The following OTOF variants were observed in gnomAD, a reference collection of about 807,000 sequenced individuals.
The protein encoded by OTOF is otoferlin.
A neutral mutation model predicts 236.8 loss-of-function variants in OTOF; 218 were observed. That is an observed-to-expected ratio of 0.92 (90% CI 0.82 to 1.03). The LOEUF is 1.03. Among genes scored for constraint, OTOF ranks in the 50% least tolerant of loss-of-function variants. The pLI, the probability that OTOF is intolerant of heterozygous loss-of-function variation, is 0.00. For synonymous variants in OTOF, 1,041 were observed against 1,072.5 expected, an observed-to-expected ratio of 0.97 and a Z score of 0.57; for missense variants, 2,590 against 2,694.4, an observed-to-expected ratio of 0.96 and a Z score of 0.86.
At chr2:26,527,964 T>C (rs1469364650) in intron 2 of OTOF, 44 bp from the exon 3 acceptor site, 2 of 1,397,364 alleles carry the variant, frequency 1.4e-6, no homozygotes, top group South Asian at 2.3e-5. Context: ...CAATAACAGG[T>C]AGGAGCCGTG....
At chr2:26,468,563 A>G (rs1280917099) in intron 32 of OTOF, 89 bp from the exon 33 acceptor site, 6 of 919,626 alleles carry the variant, frequency 6.5e-6, no homozygotes, top group Non-Finnish European at 1.1e-5. Flanking sequence ...ACCAGTCTTA[A>G]TGCACTAGAA....
intron 1 of OTOF, among the ~76,000 whole-genome samples, chr2:26,547,734 G>A (rs549412482): frequency 3.3e-5 from 5 of 152,174 alleles, no homozygotes; most frequent in East Asian, 3.9e-4. Context: ...TGCTCTACTC[G>A]GGAGGCTGAG....
chr2:26,502,391 G>A lies in OTOF; in HGVS notation c.619C>T (p.His207Tyr). The change falls in exon 7 of 47, where the codon CAT becomes TAT. Residue 207 changes from histidine (H) to tyrosine (Y), a missense_variant. Physicochemically the swap from His to Tyr is moderately conservative, Grantham distance 83. This residue lies in a region of OTOF where 1,379 missense variants were observed against 1,341.6 expected (regional missense o/e 1.03). Transcript: ENST00000272371. Reference protein sequence around the residue: ...PAVLEMEDLDHLAIRLGDGLD... With the variant: ...PAVLEMEDLDYLAIRLGDGLD... Reference sequence around the variant, plus strand: ...CCATCTCCTAGCCGAATGGCCAGATGGTCAAGGTCTTCCATCTCCAGCACC... The same window carrying A: ...CCATCTCCTAGCCGAATGGCCAGATAGTCAAGGTCTTCCATCTCCAGCACC... 6.2e-7 allele frequency: 1 copy of A among 1,613,850 alleles called. No homozygotes were observed. Among genetic ancestry groups the A allele is most frequent in the Non-Finnish European group, 8.5e-7 (1 of 1,179,928 alleles).
chr2:26,528,755 C>T (rs1264801352), intron 2 of OTOF, among the ~76,000 whole-genome samples: 1 of 152,218 alleles, frequency 6.6e-6, no homozygotes, highest in Non-Finnish European at 1.5e-5. Context: ...CCAACCATCA[C>T]CCAGCCCACC....
rs1280389061 is a variant in OTOF at position 26,464,092 on chromosome 2, T to C, written c.4975A>G (p.Thr1659Ala). The C allele has an allele frequency of 1.2e-6, 2 of 1,613,492 alleles. No homozygotes were observed. Among genetic ancestry groups the C allele is most frequent in the African/African-American group, 1.3e-5 (1 of 74,948 alleles). The change falls in exon 40 of 47, where the codon ACA becomes GCA. Residue 1659 changes from threonine to alanine, a missense_variant. Thr to Ala is a moderately conservative substitution (Grantham distance 58, BLOSUM62 0). Transcript: ENST00000272371. ...GCCAACAGCGCCACATGCTCGTCTG[T>C]GGGCTTCCTCTGACCTGTGGGTGCC... Reference protein sequence around the residue: ...IEDENGQRKPTDEHVALLALR... With the variant: ...IEDENGQRKPADEHVALLALR...
rs540201262 is a variant in OTOF at position 26,464,992 on chromosome 2, T to G, written c.4837A>C (p.Ser1613Arg). The G allele has an allele frequency of 1.3e-6, 2 of 1,515,302 alleles. No individual in the cohort carries two copies. Among genetic ancestry groups the G allele is most frequent in the East Asian group, 4.8e-5 (2 of 42,016 alleles). 93.9% of individuals were successfully genotyped at this position (1,515,302 alleles called of 1,614,324 possible). The stretch of plus-strand genomic sequence containing the variant: ...TTGCAGAGGCGGGTCAGGATCTGGC[T>G]GGGCTTCATGGGGTCCCGCCAGATA... Reference protein sequence around the residue: ...YNIWRDPMKPSQILTRLCKDG... With the variant: ...YNIWRDPMKPRQILTRLCKDG... Residue 1613 changes from serine to arginine, a missense_variant, in exon 39 of 47, where the codon AGC becomes CGC. Physicochemically the swap from Ser to Arg is moderately radical, Grantham distance 110. This residue lies in a region of OTOF where 1,211 missense variants were observed against 1,352.8 expected (regional missense o/e 0.90). Coordinates refer to ENST00000272371, the MANE Select transcript of OTOF (RefSeq NM_194248.3).
intron 2 of OTOF, among the ~76,000 whole-genome samples, chr2:26,530,501 G>A (rs1377739923): frequency 6.6e-6 from 1 of 152,186 alleles, no homozygotes; most frequent in Non-Finnish European, 1.5e-5. Flanking sequence ...GGCTTTCCGG[G>A]TGAGGGAGAA....
intron 30 of OTOF, among the ~76,000 whole-genome samples, chr2:26,471,392 C>T (rs1272660790): frequency 6.6e-6 from 1 of 152,168 alleles, no homozygotes; most frequent in Non-Finnish European, 1.5e-5. Flanking sequence ...TCCAGGCTGG[C>T]CCACGTTCTG....
chr2:26,471,092 C>T, intron 31 of OTOF, 29 bp downstream of exon 31: 1 of 1,613,740 alleles, frequency 6.2e-7, no homozygotes, highest in Non-Finnish European at 8.5e-7. Flanking sequence ...CCTCTCACCC[C>T]AGAGCCCCTG....
At chr2:26,474,323 T>C (rs1201416354) in intron 26 of OTOF, among the ~76,000 whole-genome samples, 190 bp downstream of exon 26, 55 of 12,536 alleles carry the variant, frequency 4.4e-3, no homozygotes, top group Admixed American at 7.1e-3. Context: ...GCCCAGGCCC[T>C]AACCCCCCAG....
chr2:26,545,842 T>C (rs1055343228), intron 1 of OTOF, among the ~76,000 whole-genome samples: 10 of 152,230 alleles, frequency 6.6e-5, no homozygotes, highest in Non-Finnish European at 1.3e-4. Context: ...TTCTGGACAC[T>C]ATTCTGCTCC....
chr2:26,463,688 C>G (rs1316327857), intron 40 of OTOF, 117 bp from the exon 41 acceptor site: 18 of 937,428 alleles, frequency 1.9e-5, no homozygotes, highest in Non-Finnish European at 3.1e-5. Context: ...CAGTTTCCAT[C>G]TTTGGATGCC....
Position 26,483,610 on chromosome 2 carries a change from T to G in OTOF, c.1244A>C (p.Gln415Pro). ...AATTTTCACATAGAACCGGGCCCAC[T>G]GGCGTTCGGGGGGCACCCCCTCGGG... ...LLPEGVPPER[Q>P]WARFYVKIYR... The change falls in exon 13 of 47, where the codon CAG becomes CCG. Residue 415 changes from glutamine to proline, a missense_variant. Coordinates refer to ENST00000272371, the MANE Select transcript of OTOF (RefSeq NM_194248.3). 1.2e-6 allele frequency: 2 copies of G among 1,613,160 alleles called. No individual in the cohort carries two copies. The highest frequency in any genetic ancestry group is 1.7e-6 in the Non-Finnish European group (2 of 1,179,984).
intron 24 of OTOF, 90 bp from the exon 25 acceptor site, chr2:26,475,583 C>T (rs1665218031): frequency 1.3e-5 from 18 of 1,423,546 alleles, no homozygotes; most frequent in East Asian, 6.9e-5. Flanking sequence ...TCAGCTTCCA[C>T]GGAACCTGGG....
intron 12 of OTOF, 59 bp downstream of exon 12, chr2:26,484,415 C>A: frequency 6.3e-7 from 1 of 1,592,290 alleles, no homozygotes; most frequent in Non-Finnish European, 8.6e-7. Flanking sequence ...TCACCGGGGG[C>A]TCCCTGGGGG....
chr2:26,503,914 A>G, intron 5 of OTOF, 69 bp from the exon 6 acceptor site: 1 of 1,360,820 alleles, frequency 7.3e-7, no homozygotes, highest in South Asian at 1.2e-5. Flanking sequence ...CAAACACAGA[A>G]GAGCCAAACA....
chr2:26,512,613 A>G (rs1298095644), intron 5 of OTOF, among the ~76,000 whole-genome samples: 1 of 152,208 alleles, frequency 6.6e-6, no homozygotes, highest in Admixed American at 6.5e-5. Context: ...AACTTTGAGT[A>G]AATGAGCTCC....
At chr2:26,519,348 A>C (rs968510435) in intron 3 of OTOF, among the ~76,000 whole-genome samples, 2 of 152,192 alleles carry the variant, frequency 1.3e-5, no homozygotes, top group African/African-American at 2.4e-5. Context: ...AGGGGCAGTG[A>C]GCACCCTTAG....
chr2:26,495,314 T>C (rs1047815270), intron 8 of OTOF, among the ~76,000 whole-genome samples: 1 of 152,170 alleles, frequency 6.6e-6, no homozygotes, highest in African/African-American at 2.4e-5. Context: ...TCTAAGTCAG[T>C]GTTCACTAGA....
Sources: allele counts gnomAD v4.1 joint callset (sites outside exome capture counted in the v4.1 genomes callset), GRCh38; gene constraint gnomAD v4.1.1; regional missense constraint gnomAD v4.1.1; transcripts MANE v1.5; gene names NCBI Gene and HGNC (gene_info 2026-07-23, HGNC 2026-07-21).